The following ALPK3 variants were observed in gnomAD, a reference collection of about 807,000 sequenced individuals.
ALPK3 encodes alpha-protein kinase 3.
A neutral mutation model predicts 140.0 loss-of-function variants in ALPK3; 102 were observed. That is an observed-to-expected ratio of 0.73 (90% confidence interval 0.62 to 0.86). The LOEUF (loss-of-function observed/expected upper bound fraction) is 0.86. ALPK3 is among the 40% of genes least tolerant of loss of function. ALPK3 has a pLI of 0.00. For synonymous variants in ALPK3, 938 were observed against 898.5 expected (o/e 1.04, Z -0.79); for missense variants, 2,254 against 2,208.2 (o/e 1.02, Z -0.42).
chr15:84,857,486 G>C lies in ALPK3; in HGVS notation c.2748G>C (p.Leu916=). Residue 916 remains leucine (L), a synonymous_variant, in exon 6 of 14, where the codon CTG becomes CTC. Coordinates refer to ENST00000258888, the MANE Select transcript of ALPK3 (RefSeq NM_020778.5). ...MSSAPTLHLG[L]GTPTQSHPPE... is the part of the protein sequence containing the mutation. ...CTGCCCCAACACTGCACCTGGGGCT[G>C]GGGACCCCCACTCAGAGTCACCCAC... 6.2e-7 allele frequency: 1 copy of C among 1,606,014 alleles called. No individual in the cohort carries two copies. Among genetic ancestry groups the C allele is most frequent in the Non-Finnish European group, 8.5e-7 (1 of 1,175,176 alleles).
rs1317130931 is a variant in ALPK3 at position 84,868,209 on chromosome 15, C to T, written c.4871C>T (p.Pro1624Leu). Residue 1624 changes from proline (P) to leucine (L), a missense_variant, in exon 14 of 14, where the codon CCT (proline) becomes CTT (leucine). By Grantham distance (98) the Pro-to-Leu change is moderately conservative. This residue lies in a region of ALPK3 where 158 missense variants were observed against 159.8 expected (regional missense o/e 0.99). Coordinates refer to ENST00000258888, the MANE Select transcript of ALPK3 (RefSeq NM_020778.5). ...TACTGTGAGCTGCTGGGGCTGACACCTCTCAAGGGCCCGGAGGCGGCCCAC... is the reference window on the plus strand; with the variant it reads ...TACTGTGAGCTGCTGGGGCTGACACTTCTCAAGGGCCCGGAGGCGGCCCAC... Reference protein sequence around the residue: ...NAYCELLGLTPLKGPEAAHPQ... With the variant: ...NAYCELLGLTLLKGPEAAHPQ... 6.2e-7 allele frequency: 1 copy of T among 1,614,198 alleles called. No homozygotes were observed.
chr15:84,852,044 C>G lies in ALPK3; in HGVS notation c.1654-4348C>G, dbSNP rs9672944. ...CCAGATCCCCAGCGGATGCCTGACACTGCAGATAGTACCAAACCCTATATA... is the reference window on the plus strand; with the variant it reads ...CCAGATCCCCAGCGGATGCCTGACAGTGCAGATAGTACCAAACCCTATATA... On this transcript the variant is annotated intron_variant, in intron 5 of 13. Transcript: ENST00000258888. Among the ~76,000 whole-genome samples, 1,018 of 152,316 alleles carry G rather than the reference C, an allele frequency of 6.7e-3. 17 individuals carry two copies. Among genetic ancestry groups the G allele is most frequent in the African/African-American group, 0.023 (965 of 41,548 alleles).
chr15:84,835,324 G>A (rs960674850), intron 3 of ALPK3, among the ~76,000 whole-genome samples: 3 of 152,166 alleles, frequency 2.0e-5, no homozygotes, highest in African/African-American at 7.2e-5. Context: ...GTTCCTGGCC[G>A]ACGCTGCTGC....
Position 84,859,379 on chromosome 15 carries a change from G to C in ALPK3, c.3954G>C (p.Glu1318Asp), listed in dbSNP as rs34122391. The change falls in exon 7 of 14, where the codon GAG becomes GAC. Residue 1318 changes from glutamate to aspartate, a missense_variant. Physicochemically the swap from Glu to Asp is conservative, Grantham distance 45 (BLOSUM62 2). Transcript: ENST00000258888. ...CCAAGGATCAGCGCCCAGTGGGCGA[G>C]GTGGGCAGGAGGTAAGCCAACGACA... is the stretch of plus-strand genomic sequence containing the variant. ...TWAKDQRPVGEVGRSAGDEGP... is the reference protein window; with the variant it reads ...TWAKDQRPVGDVGRSAGDEGP... 1 of 1,614,032 alleles carries C rather than the reference G, an allele frequency of 6.2e-7. No individual in the cohort carries two copies. Among genetic ancestry groups the C allele is most frequent in the Non-Finnish European group, 8.5e-7 (1 of 1,179,970 alleles).
intron 4 of ALPK3, 91 bp from the exon 5 acceptor site, chr15:84,839,611 T>C: frequency 7.1e-7 from 1 of 1,402,142 alleles, no homozygotes; most frequent in Non-Finnish European, 9.6e-7. Context: ...GAGGGGGAAG[T>C]GTGCCCGGCT....
Position 84,868,238 on chromosome 15 carries a change from C to T in ALPK3, c.4900C>T (p.Gln1634Ter). 6.2e-7 allele frequency: 1 copy of T among 1,614,210 alleles called. No individual in the cohort carries two copies. Among genetic ancestry groups the T allele is most frequent in the Admixed American group, 1.7e-5 (1 of 60,030 alleles). ...CAAGGGCCCGGAGGCGGCCCACCCC[C>T]AAGCCAAAGCCAAAGGCTCTAAGAG... The part of the protein sequence containing the change: ...PLKGPEAAHP[Q>*]AKAKGSKSPS... The change falls in exon 14 of 14, where the codon CAA becomes TAA. Residue 1634 changes from glutamine to a stop codon, truncating the protein, a stop_gained. Transcript: ENST00000258888. LOFTEE classifies it high-confidence loss of function.
intron 7 of ALPK3, 92 bp downstream of exon 7, chr15:84,859,482 A>G: frequency 1.3e-6 from 2 of 1,485,668 alleles, no homozygotes; most frequent in Non-Finnish European, 1.8e-6. Flanking sequence ...CTATCGCCTC[A>G]TTAATCCTCA....
At chr15:84,865,756 C>T (rs1429584070) in intron 12 of ALPK3, among the ~76,000 whole-genome samples, 5 of 152,050 alleles carry the variant, frequency 3.3e-5, no homozygotes, top group African/African-American at 1.2e-4. Context: ...GCCAGGAGTT[C>T]GAAACCAGCC....
chr15:84,852,967 A>T (rs1963821622), intron 5 of ALPK3, among the ~76,000 whole-genome samples: 1 of 152,242 alleles, frequency 6.6e-6, no homozygotes, highest in African/African-American at 2.4e-5. Context: ...GGCAGATCCG[A>T]TTAGGCAGTT....
chr15:84,861,965 G>A (rs1296184938), intron 9 of ALPK3, among the ~76,000 whole-genome samples: 1 of 152,034 alleles, frequency 6.6e-6, no homozygotes, highest in Non-Finnish European at 1.5e-5. Context: ...TTGGCCCAAG[G>A]GAGCCCCTTC....
rs750401200 is a variant in ALPK3 at position 84,823,361 on chromosome 15, T to C, written c.175T>C (p.Ser59Pro). The part of the protein sequence containing the change: ...LSSNRLSHPS[S>P]GRSTFCSIIA... The stretch of plus-strand genomic sequence containing the variant: ...AAGCAACCGGTTGTCTCACCCCAGC[T>C]CTGGAAGGTAAATGCATATTGCACT... Residue 59 changes from serine to proline, a missense_variant, in exon 2 of 14, where the codon TCT becomes CCT. Physicochemically the swap from Ser to Pro is moderately conservative, Grantham distance 74. Coordinates refer to ENST00000258888, the MANE Select transcript of ALPK3 (RefSeq NM_020778.5). The C allele has an allele frequency of 2.7e-4, 430 of 1,614,078 alleles. No homozygotes were observed. The highest frequency in any genetic ancestry group is 3.3e-4 in the Non-Finnish European group (394 of 1,180,042).
At chr15:84,823,154 G>A (rs757122667) in intron 1 of ALPK3, among the ~76,000 whole-genome samples, 176 bp from the exon 2 acceptor site, 4 of 152,216 alleles carry the variant, frequency 2.6e-5, no homozygotes, top group Non-Finnish European at 5.9e-5. Context: ...ATACATTGGT[G>A]TCCGGTGGTC....
chr15:84,838,680 C>T (rs1275506558), intron 3 of ALPK3, among the ~76,000 whole-genome samples: 1 of 150,686 alleles, frequency 6.6e-6, no homozygotes. Context: ...AGTGCAGTGG[C>T]AAGATCTTGG....
chr15:84,832,846 T>C lies in ALPK3; in HGVS notation c.304+5241T>C, dbSNP rs1206458276. On this transcript the variant is annotated intron_variant, in intron 3 of 13. Coordinates refer to ENST00000258888, the MANE Select transcript of ALPK3 (RefSeq NM_020778.5). ...GGCTGCAGTGGGGACCTGGGACCAC[T>C]TGAGAGAGGCAGGTGTCAGGGATGG... 2.6e-5 allele frequency among the ~76,000 whole-genome samples: 4 copies of C among 152,342 alleles called. 1 individual carries two copies. The South Asian group carries it at 6.2e-4, about 24-fold the overall frequency.
At position 84,857,432 on chromosome 15, in the gene ALPK3, G is replaced by C. The variant is rs147842250; in HGVS notation, c.2694G>C (p.Leu898=). 1.2e-6 allele frequency: 2 copies of C among 1,613,884 alleles called. No individual in the cohort carries two copies. The highest frequency in any genetic ancestry group is 2.7e-5 in the African/African-American group (2 of 74,942). The change falls in exon 6 of 14, where the codon CTG becomes CTC. Residue 898 remains leucine (L), a synonymous_variant. Coordinates refer to ENST00000258888, the MANE Select transcript of ALPK3 (RefSeq NM_020778.5). The stretch of plus-strand genomic sequence containing the variant: ...AGCACGGGAGCACAGCCACCTTCCT[G>C]CCCTCTGAGGATCAGGTCCTGATGA... ...TSQHGSTATF[L]PSEDQVLMSS... is the part of the protein sequence containing the mutation.
intron 2 of ALPK3, among the ~76,000 whole-genome samples, chr15:84,824,474 A>G (rs1405011498): frequency 6.6e-6 from 1 of 152,232 alleles, no homozygotes; most frequent in Non-Finnish European, 1.5e-5. Flanking sequence ...CTTCACACAG[A>G]AAAAGATTTC....
intron 3 of ALPK3, among the ~76,000 whole-genome samples, chr15:84,836,366 T>G (rs1296824032): frequency 6.6e-6 from 1 of 152,212 alleles, no homozygotes; most frequent in Admixed American, 6.5e-5. Flanking sequence ...CTGCTGAGAA[T>G]GGGCTGAATA....
intron 12 of ALPK3, among the ~76,000 whole-genome samples, chr15:84,867,100 G>A (rs1964011004): frequency 6.6e-6 from 1 of 151,860 alleles, no homozygotes; most frequent in Non-Finnish European, 1.5e-5. Flanking sequence ...TGCATGCTGT[G>A]AGACAGGCTG....
rs114449938 is a variant in ALPK3 at position 84,863,615 on chromosome 15, G to A, written c.4474G>A (p.Ala1492Thr). ...AATCTTCGCAGCAGAAGCCCGGGCCGCGCCTGGCTTTGGGGAGGTGCCTGA... is the reference window on the plus strand; with the variant it reads ...AATCTTCGCAGCAGAAGCCCGGGCCACGCCTGGCTTTGGGGAGGTGCCTGA... ...CKIFAAEARAAPGFGEVPEII... is the reference protein window; with the variant it reads ...CKIFAAEARATPGFGEVPEII... Residue 1492 changes from alanine (A) to threonine (T), a missense_variant, in exon 11 of 14, where the codon GCG becomes ACG. By Grantham distance (58) the Ala-to-Thr change is moderately conservative. Around this residue, in one of 3 missense-constraint regions of ALPK3, gnomAD observed 2,088 missense variants for 2,022.9 expected, o/e 1.03. Transcript: ENST00000258888. The A allele has an allele frequency of 6.2e-4, 1,008 of 1,614,060 alleles. 7 individuals are homozygous for A. The African/African-American group carries it at 0.012, about 19-fold the overall frequency.
Sources: gnomAD v4.1 joint callset for allele counts (sites outside exome capture counted in the v4.1 genomes callset) on GRCh38, gnomAD v4.1.1 for gene constraint, gnomAD v4.1.1 regional missense constraint, MANE v1.5 for transcripts, NCBI Gene and HGNC (gene_info 2026-07-23, HGNC 2026-07-21) for gene names.